The following MTOR variants were observed in gnomAD, a reference collection of about 807,000 sequenced individuals.
The protein encoded by MTOR is serine/threonine-protein kinase mTOR.
In MTOR, 70 loss-of-function variants were observed where a neutral mutation model predicts 319.8. That is an observed-to-expected ratio of 0.22 (90% CI 0.18 to 0.27). The LOEUF is 0.27. Ranked by LOEUF, MTOR falls within the 10% of genes least tolerant of loss-of-function variation. MTOR has a pLI of 1.00. For missense variants in MTOR, 1,890 were observed against 3,274.4 expected, an observed-to-expected ratio of 0.58 and a Z score of 10.32; for synonymous variants, 1,183 against 1,211.4, an observed-to-expected ratio of 0.98 and a Z score of 0.49.
At chr1:11,149,402 T>A (rs1449665774) in intron 31 of MTOR, 1 of 152,154 alleles carries the variant, frequency 6.6e-6, no homozygotes, top group Non-Finnish European at 1.5e-5. Context: ...AGCTTCCAGG[T>A]TGATGAAGGT....
intron 28 of MTOR, among the ~76,000 whole-genome samples, chr1:11,173,502 C>T (rs4845852): frequency 0.57 from 86,989 of 151,750 alleles, 29,247 homozygotes; most frequent in East Asian, 0.81. Context: ...AGGCTGGTCT[C>T]GAACTCCTGA....
intron 47 of MTOR, 136 bp downstream of exon 47, chr1:11,124,362 A>T: frequency 8.7e-7 from 1 of 1,147,874 alleles, no homozygotes; most frequent in African/African-American, 1.6e-5. Context: ...TTCTGGGACT[A>T]CAGGCATGAG....
At chr1:11,230,877 T>A in intron 18 of MTOR, 48 bp downstream of exon 18, 1 of 1,611,706 alleles carries the variant, frequency 6.2e-7, no homozygotes. Context: ...CAGCAAGGGC[T>A]CTGTGAGTGA....
chr1:11,139,717 A>T, intron 34 of MTOR, 59 bp from the exon 35 acceptor site: 1 of 1,605,484 alleles, frequency 6.2e-7, no homozygotes, highest in Non-Finnish European at 8.5e-7. Context: ...TTTGTGGCAG[A>T]GTCTTGCTCT....
At chr1:11,225,752 A>T (rs1646814974) in intron 19 of MTOR, among the ~76,000 whole-genome samples, 1 of 152,150 alleles carries the variant, frequency 6.6e-6, no homozygotes, top group Non-Finnish European at 1.5e-5. Flanking sequence ...ATGCTTTAAC[A>T]AATCTCTAGT....
chr1:11,173,969 CA>C (rs1427496638), intron 28 of MTOR, among the ~76,000 whole-genome samples: 15 of 152,200 alleles, frequency 9.9e-5, no homozygotes, highest in African/African-American at 3.6e-4. Context: ...CCATATGTGC[CA>C]GGCACTGCGC....
intron 19 of MTOR, among the ~76,000 whole-genome samples, chr1:11,225,119 T>C (rs1183036106): frequency 6.6e-6 from 1 of 152,194 alleles, no homozygotes; most frequent in African/African-American, 2.4e-5. Context: ...TAAAATTAGA[T>C]TATTAGTGAT....
At chr1:11,235,312 C>A (rs534218793) in intron 13 of MTOR, among the ~76,000 whole-genome samples, 1 of 152,242 alleles carries the variant, frequency 6.6e-6, no homozygotes, top group Admixed American at 6.5e-5. Flanking sequence ...CCCTGATGAC[C>A]AAGACCGCAA....
chr1:11,228,789 A>G lies in MTOR; in HGVS notation c.2909T>C (p.Met970Thr), dbSNP rs1488320647. Residue 970 changes from methionine (M) to threonine (T), a missense_variant, in exon 19 of 58, where the codon ATG (methionine) becomes ACG (threonine). This residue lies in a region of MTOR where 377 missense variants were observed against 653.9 expected (regional missense o/e 0.58). Coordinates refer to ENST00000361445, the MANE Select transcript of MTOR (RefSeq NM_004958.4). ...RDQSLSHHHT[M>T]VVQAITFIFK... ...GATGAAGGTGATGGCCTGGACAACCATGGTGTGATGATGAGAGAGTGACTG... is the reference window on the plus strand; with the variant it reads ...GATGAAGGTGATGGCCTGGACAACCGTGGTGTGATGATGAGAGAGTGACTG... 1 of 1,614,056 alleles carries G rather than the reference A, an allele frequency of 6.2e-7. No homozygotes were observed. Among genetic ancestry groups the G allele is most frequent in the Non-Finnish European group, 8.5e-7 (1 of 1,180,038 alleles).
intron 25 of MTOR, among the ~76,000 whole-genome samples, chr1:11,209,037 T>TA (rs1189232159): frequency 6.6e-6 from 1 of 152,210 alleles, no homozygotes; most frequent in African/African-American, 2.4e-5. Context: ...TCCCTTCATG[T>TA]AAAAAATGAG....
intron 46 of MTOR, 63 bp from the exon 47 acceptor site, chr1:11,124,696 A>G (rs1570934686): frequency 6.4e-7 from 1 of 1,551,178 alleles, no homozygotes; most frequent in East Asian, 2.3e-5. Context: ...AGCTGAGAGC[A>G]CCACTGCATT....
At chr1:11,242,569 T>C (rs1339014642) in intron 9 of MTOR, among the ~76,000 whole-genome samples, 1 of 130,680 alleles carries the variant, frequency 7.7e-6, no homozygotes, top group Admixed American at 7.7e-5. Context: ...TCTTCGCTAA[T>C]AAACAGGGAA....
chr1:11,252,729 G>A (rs563326061), intron 6 of MTOR, among the ~76,000 whole-genome samples: 136 of 152,222 alleles, frequency 8.9e-4, no homozygotes, highest in African/African-American at 3.1e-3. Flanking sequence ...AGGAATCCCC[G>A]GGGTAAAATT....
At chr1:11,257,258 A>G in intron 3 of MTOR, 93 bp from the exon 4 acceptor site, 1 of 1,114,722 alleles carries the variant, frequency 9.0e-7, no homozygotes, top group Non-Finnish European at 1.3e-6. Flanking sequence ...AGTGCCGGCC[A>G]GGCACGGTGG....
chr1:11,190,898 A>G lies in MTOR; in HGVS notation c.4253+8360T>C, dbSNP rs377210279. Among the ~76,000 whole-genome samples the G allele has an allele frequency of 1.6e-3, 238 of 152,342 alleles. 2 individuals carry two copies. In the South Asian group the frequency reaches 0.016, roughly 10 times the overall value. On this transcript the variant is annotated intron_variant, in intron 28 of 57. Coordinates refer to ENST00000361445, the MANE Select transcript of MTOR (RefSeq NM_004958.4). ...TAAGTCAATGGTTAACCTCAGCTCA[A>G]ATTAAGAAAAAGTTTTAACATGAAA...
intron 28 of MTOR, among the ~76,000 whole-genome samples, chr1:11,185,833 G>C (rs1645301311): frequency 6.6e-6 from 1 of 152,112 alleles, no homozygotes; most frequent in African/African-American, 2.4e-5. Flanking sequence ...TGTAATCCCA[G>C]CACTTTGGGA....
intron 20 of MTOR, 113 bp from the exon 21 acceptor site, chr1:11,213,679 G>GA: frequency 2.0e-6 from 2 of 977,616 alleles, no homozygotes; most frequent in Non-Finnish European, 3.1e-6. Flanking sequence ...GGTCTGCGCC[G>GA]AGATCAACTC....
At chr1:11,151,173 G>A (rs370168420) in intron 30 of MTOR, among the ~76,000 whole-genome samples, 6 of 152,198 alleles carry the variant, frequency 3.9e-5, no homozygotes, top group African/African-American at 1.4e-4. Context: ...AATCCCTGCA[G>A]AAGGAATCTA....
intron 46 of MTOR, among the ~76,000 whole-genome samples, chr1:11,126,400 T>A (rs1251500806): frequency 6.6e-6 from 1 of 152,190 alleles, no homozygotes; most frequent in Non-Finnish European, 1.5e-5. Context: ...TCCCTTTATG[T>A]GTGATCATGC....
Sources: gnomAD v4.1 joint callset for allele counts (sites outside exome capture counted in the v4.1 genomes callset) on GRCh38, gnomAD v4.1.1 for gene constraint, gnomAD v4.1.1 regional missense constraint, MANE v1.5 for transcripts, NCBI Gene and HGNC (gene_info 2026-07-23, HGNC 2026-07-21) for gene names.